Variants in CHRNB3 observed in about 807,000 individuals in gnomAD.
CHRNB3 encodes cholinergic receptor nicotinic beta 3 subunit, also known as neuronal acetylcholine receptor subunit beta-3.
Under a neutral mutation model 40.6 loss-of-function variants are expected in CHRNB3, and 37 were observed. The ratio of observed to expected loss-of-function variants is 0.91; its 90% confidence interval spans 0.70 to 1.20. The LOEUF (loss-of-function observed/expected upper bound fraction) is 1.20, where lower values mean the gene tolerates loss of function less well. Among genes scored for constraint, CHRNB3 ranks in the 50% most tolerant of loss-of-function variants. CHRNB3 has a pLI of 0.00. For synonymous variants in CHRNB3, 207 were observed against 207.1 expected (o/e 1.00, Z 0.00); for missense variants, 505 against 551.2 (o/e 0.92, Z 0.84).
chr8:42,713,081 C>T (rs933625959), intron 3 of CHRNB3, among the ~76,000 whole-genome samples: 4 of 151,752 alleles, frequency 2.6e-5, no homozygotes, highest in Admixed American at 2.0e-4. Context: ...AGGCTGGTCT[C>T]GAACTCCTGA....
intron 3 of CHRNB3, among the ~76,000 whole-genome samples, chr8:42,715,393 A>G (rs1220284627): frequency 1.3e-5 from 2 of 152,144 alleles, no homozygotes; most frequent in African/African-American, 4.8e-5. Flanking sequence ...AAGCTCTCAC[A>G]TTTGAGCAAA....
intron 1 of CHRNB3, among the ~76,000 whole-genome samples, chr8:42,702,560 C>T (rs368499416): frequency 2.0e-5 from 3 of 152,154 alleles, no homozygotes; most frequent in South Asian, 2.1e-4. Flanking sequence ...GTCCAGAGAT[C>T]GAGACCATCC....
chr8:42,722,142 G>A lies in CHRNB3; in HGVS notation c.250-8452G>A, dbSNP rs540350666. 7.9e-5 allele frequency among the ~76,000 whole-genome samples: 12 copies of A among 152,208 alleles called. No individual in the cohort carries two copies. The East Asian group carries it at 2.3e-3, about 29-fold the overall frequency. ...TAATCCTAGCACTTTGGGAAGCCGA[G>A]GCGGGTGGATCACTTGAGGTCAGGA... On this transcript the variant is annotated intron_variant, in intron 3 of 5. Transcript: ENST00000289957.
At chr8:42,703,197 G>A (rs958820516) in intron 1 of CHRNB3, among the ~76,000 whole-genome samples, 1 of 151,956 alleles carries the variant, frequency 6.6e-6, no homozygotes, top group African/African-American at 2.4e-5. Flanking sequence ...GCCAAGGCGG[G>A]CAGATCACTT....
intron 3 of CHRNB3, among the ~76,000 whole-genome samples, chr8:42,716,835 T>C (rs1816117807): frequency 6.6e-6 from 1 of 152,046 alleles, no homozygotes; most frequent in Non-Finnish European, 1.5e-5. Flanking sequence ...CTGGGCGCTG[T>C]TGCATATAAA....
At chr8:42,714,441 T>C (rs1015220514) in intron 3 of CHRNB3, among the ~76,000 whole-genome samples, 1 of 151,964 alleles carries the variant, frequency 6.6e-6, no homozygotes, top group African/African-American at 2.4e-5. Flanking sequence ...GCCGAGATCG[T>C]GTTACTGCAC....
At chr8:42,703,427 A>ATATATATATAT (rs1815855622) in intron 1 of CHRNB3, among the ~76,000 whole-genome samples, 1 of 35,818 alleles carries the variant, frequency 2.8e-5, no homozygotes, top group African/African-American at 5.7e-5. Flanking sequence ...TCGTCTAAAA[A>ATATATATATAT]AAAAAAAAAT....
At chr8:42,727,501 G>C (rs1438395943) in intron 3 of CHRNB3, among the ~76,000 whole-genome samples, 1 of 152,070 alleles carries the variant, frequency 6.6e-6, no homozygotes, top group African/African-American at 2.4e-5. Flanking sequence ...AGGAAGTTCC[G>C]TGGATAATGT....
rs184892129 is a variant in CHRNB3, at chr8:42,732,072, C to T, written c.765C>T (p.Phe255=). The T allele has an allele frequency of 2.3e-5, 37 of 1,614,054 alleles. No homozygotes were observed. In the Admixed American group the frequency reaches 4.8e-4, roughly 21 times the overall value. ...TGTCTTTCCTAACAGTTCTTGTGTT[C>T]TATTTACCTTCGGATGAAGGAGAAA... is the stretch of plus-strand genomic sequence containing the variant. The part of the protein sequence containing the change: ...LGLSFLTVLV[F]YLPSDEGEKL... Residue 255 remains phenylalanine (F), a synonymous_variant, in exon 5 of 6, where the codon TTC becomes TTT. Transcript: ENST00000289957.
chr8:42,736,780 T>A lies in CHRNB3; in HGVS notation c.*162T>A, dbSNP rs1311925212. 3.4e-6 allele frequency: 3 copies of A among 887,340 alleles called. No homozygotes were observed. The Admixed American group carries it at 7.2e-5, about 21-fold the overall frequency. The allele number at this position is 887,340 out of a possible 1,614,324, so 55.0% of individuals were successfully genotyped here. A position where few individuals can be genotyped will look rare whatever the true frequency, so the allele number is the denominator to read the frequency against. On this transcript the variant is annotated 3_prime_UTR_variant, in exon 6 of 6. Coordinates refer to ENST00000289957, the MANE Select transcript of CHRNB3 (RefSeq NM_000749.5). Reference sequence around the variant, plus strand: ...GAGAAACTCTGGTAAATGTGCTCATTTGTGGTTGCCATGAGAGTGAGCTGC... The same window carrying A: ...GAGAAACTCTGGTAAATGTGCTCATATGTGGTTGCCATGAGAGTGAGCTGC...
intron 3 of CHRNB3, among the ~76,000 whole-genome samples, chr8:42,729,488 T>C (rs1816366212): frequency 6.6e-6 from 1 of 152,162 alleles, no homozygotes; most frequent in Admixed American, 6.5e-5. Flanking sequence ...CCATACATCT[T>C]AAACTTTGTT....
rs1326730674 is a variant in CHRNB3, at chr8:42,725,704, T to G, written c.250-4890T>G. On this transcript the variant is annotated intron_variant, in intron 3 of 5. Transcript: ENST00000289957. ...GATCTCCTGGAAATGCTTCTCCAGGTGCTCCTCAATCACTGTGTTGTCTGT... is the reference window on the plus strand; with the variant it reads ...GATCTCCTGGAAATGCTTCTCCAGGGGCTCCTCAATCACTGTGTTGTCTGT... The G allele has an allele frequency of 1.2e-5, 11 of 925,058 alleles. No homozygotes were observed. In the East Asian group the frequency reaches 2.6e-4, roughly 22 times the overall value. 57.3% of individuals were successfully genotyped at this position (925,058 alleles called of 1,614,324 possible).
chr8:42,728,305 G>T (rs1816344101), intron 3 of CHRNB3, among the ~76,000 whole-genome samples: 2 of 152,102 alleles, frequency 1.3e-5, no homozygotes, highest in Non-Finnish European at 2.9e-5. Flanking sequence ...CAGGAGAATT[G>T]CTTGAGCCTA....
chr8:42,729,668 C>G (rs1331753740), intron 3 of CHRNB3, among the ~76,000 whole-genome samples: 2 of 152,076 alleles, frequency 1.3e-5, no homozygotes, highest in Non-Finnish European at 2.9e-5. Context: ...CATCACTGGG[C>G]TCCGGGAAGC....
At chr8:42,736,413 T>C in intron 5 of CHRNB3, 71 bp from the exon 6 acceptor site, 1 of 1,542,428 alleles carries the variant, frequency 6.5e-7, no homozygotes, top group Non-Finnish European at 8.8e-7. Context: ...TACTCTTTTT[T>C]AATCCCTTGA....
chr8:42,735,238 C>CA (rs1231421021), intron 5 of CHRNB3, among the ~76,000 whole-genome samples: 2 of 147,474 alleles, frequency 1.4e-5, no homozygotes, highest in East Asian at 2.1e-4. Context: ...AACAAACAAA[C>CA]AAAAAAACAC....
chr8:42,710,095 A>G lies in CHRNB3; in HGVS notation c.205-295A>G, dbSNP rs985980610. ...GTTTACATGCCATTTGACTATTGTA[A>G]ATTGAGAATCTTTTGCACTTTTAAC... On this transcript the variant is annotated intron_variant, in intron 2 of 5. Coordinates refer to ENST00000289957, the MANE Select transcript of CHRNB3 (RefSeq NM_000749.5). Among the ~76,000 whole-genome samples the G allele has an allele frequency of 3.9e-5, 6 of 152,194 alleles. No homozygotes were observed. The East Asian group carries it at 1.2e-3, about 29-fold the overall frequency.
In CHRNB3 at chr8:42,732,476, C is replaced by A; in HGVS notation, c.1169C>A (p.Ala390Asp). 1 of 1,611,158 alleles carries A rather than the reference C, an allele frequency of 6.2e-7. No individual in the cohort carries two copies. Among genetic ancestry groups the A allele is most frequent in the Non-Finnish European group, 8.5e-7 (1 of 1,179,452 alleles). Residue 390 changes from alanine (A) to aspartate (D), a missense_variant, in exon 5 of 6, where the codon GCT becomes GAT. Coordinates refer to ENST00000289957, the MANE Select transcript of CHRNB3 (RefSeq NM_000749.5). ...AGTGATGGAGAAAAAGTTCTAGTTG[C>A]TTTTTTGGAAAAAGCTGCTGATTCC... is the stretch of plus-strand genomic sequence containing the variant. ...QLSDGEKVLV[A>D]FLEKAADSIR...
chr8:42,702,716 T>C (rs1815832715), intron 1 of CHRNB3, among the ~76,000 whole-genome samples: 1 of 152,016 alleles, frequency 6.6e-6, no homozygotes, highest in African/African-American at 2.4e-5. Context: ...TGAACCAAGA[T>C]TGCGCCACTG....
Sources: allele counts gnomAD v4.1 joint callset (sites outside exome capture counted in the v4.1 genomes callset), GRCh38; gene constraint gnomAD v4.1.1; transcripts MANE v1.5; gene names NCBI Gene and HGNC (gene_info 2026-07-23, HGNC 2026-07-21).